Variants in ANK1 observed in about 807,000 individuals in gnomAD.
ANK1 encodes the protein ankyrin 1, also known as ankyrin-1.
In ANK1, 51 loss-of-function variants were observed where a neutral mutation model predicts 210.4. The ratio of observed to expected loss-of-function variants is 0.24; its 90% confidence interval spans 0.19 to 0.31. The LOEUF is 0.31. ANK1 is among the 10% of genes least tolerant of loss of function. The probability of loss-of-function intolerance (pLI) is 1.00; values close to 1 mark genes in which losing one functional copy is unlikely to be tolerated. For synonymous variants in ANK1, 967 were observed against 1,025.9 expected (o/e 0.94, Z 1.10); for missense variants, 2,051 against 2,504.4 (o/e 0.82, Z 3.86).
At chr8:41,836,954 A>G (rs1807864733) in intron 1 of ANK1, among the ~76,000 whole-genome samples, 3 of 151,552 alleles carry the variant, frequency 2.0e-5, no homozygotes. Flanking sequence ...AAGGAGGGTA[A>G]GAGGTTTCCA....
At chr8:41,836,511 G>A (rs1228998254) in intron 1 of ANK1, among the ~76,000 whole-genome samples, 1 of 152,190 alleles carries the variant, frequency 6.6e-6, no homozygotes, top group Non-Finnish European at 1.5e-5. Flanking sequence ...CGGGCTCCCG[G>A]TCCCCCTCCC....
At chr8:41,807,704 A>G (rs1040691147) in intron 1 of ANK1, among the ~76,000 whole-genome samples, 36 of 152,222 alleles carry the variant, frequency 2.4e-4, no homozygotes, top group African/African-American at 8.7e-4. Context: ...AATATTTGAA[A>G]TCTTAGGGCA....
intron 1 of ANK1, among the ~76,000 whole-genome samples, chr8:41,786,790 A>G (rs1846503177): frequency 6.6e-6 from 1 of 152,184 alleles, no homozygotes; most frequent in Admixed American, 6.5e-5. Flanking sequence ...GAGCCTGGAA[A>G]TTCAAGCCTC....
intron 1 of ANK1, among the ~76,000 whole-genome samples, chr8:41,777,798 A>G (rs965601969): frequency 3.3e-5 from 5 of 152,162 alleles, no homozygotes; most frequent in African/African-American, 1.2e-4. Context: ...ACTCCTGAAT[A>G]AAGGGATGTC....
In ANK1 at chr8:41,655,733, G is replaced by T. The variant is rs1370731805; in HGVS notation, c.*57C>A. ...ATGGCAGAGTGTGTGGGGTTCAGGG[G>T]TTGGGTGTCGAGGTGTGATCCTGGG... On this transcript the variant is annotated 3_prime_UTR_variant, in exon 43 of 43. Coordinates refer to ENST00000289734, the MANE Select transcript of ANK1 (RefSeq NM_000037.4). 1.9e-6 allele frequency: 3 copies of T among 1,614,030 alleles called. No homozygotes were observed. Among genetic ancestry groups the T allele is most frequent in the African/African-American group, 2.7e-5 (2 of 74,924 alleles).
chr8:41,844,815 T>C (rs1393617075), intron 1 of ANK1, among the ~76,000 whole-genome samples: 1 of 152,190 alleles, frequency 6.6e-6, no homozygotes, highest in Admixed American at 6.5e-5. Context: ...AGATGTGATG[T>C]CTTGGTCCAA....
chr8:41,800,471 A>C (rs1242092923), upstream of ANK1, among the ~76,000 whole-genome samples: 2 of 152,206 alleles, frequency 1.3e-5, no homozygotes, highest in Non-Finnish European at 2.9e-5. Flanking sequence ...TTCAGTTCAC[A>C]GTTAGACAAT....
At chr8:41,695,122 C>T (rs1401031830) in intron 27 of ANK1, 55 bp downstream of exon 27, 14 of 1,611,384 alleles carry the variant, frequency 8.7e-6, no homozygotes, top group Non-Finnish European at 1.1e-5. Flanking sequence ...TAAGGTGCAA[C>T]TCAAACCCCT....
Position 41,690,356 on chromosome 8 carries a change from AT to A in ANK1, c.3985-11del. ...GACTGCTGTCCCTCACCTAAACTCA[AT>A]CACACAAAGGAGAATTCAGGGGCCC... On this transcript the variant is annotated splice_polypyrimidine_tract_variant and intron_variant, in intron 32 of 42. Transcript: ENST00000289734. 1 of 1,614,204 alleles carries A rather than the reference AT, an allele frequency of 6.2e-7. No homozygotes were observed. Among genetic ancestry groups the A allele is most frequent in the Non-Finnish European group, 8.5e-7 (1 of 1,180,028 alleles).
chr8:41,799,402 A>G (rs1463165328), upstream of ANK1, among the ~76,000 whole-genome samples: 1 of 152,150 alleles, frequency 6.6e-6, no homozygotes. Flanking sequence ...AGTGCTCAGT[A>G]ATGGCTTCTG....
chr8:41,731,808 T>C (rs553065355), intron 3 of ANK1, among the ~76,000 whole-genome samples: 75 of 152,352 alleles, frequency 4.9e-4, no homozygotes, highest in African/African-American at 1.7e-3. Context: ...GTCGAAGCGC[T>C]GAAGCCTCGT....
intron 1 of ANK1, among the ~76,000 whole-genome samples, chr8:41,774,818 A>T (rs1843661850): frequency 1.3e-5 from 2 of 152,232 alleles, no homozygotes; most frequent in South Asian, 4.1e-4. Context: ...TTTAGAATTG[A>T]CACTTCAGAA....
intron 2 of ANK1, among the ~76,000 whole-genome samples, chr8:41,754,724 C>T (rs568101086): frequency 2.0e-5 from 3 of 152,324 alleles, no homozygotes; most frequent in African/African-American, 7.2e-5. Flanking sequence ...AGGATCGTCC[C>T]GCTGGGTGCA....
chr8:41,882,801 C>G (rs1817811200), intron 1 of ANK1, among the ~76,000 whole-genome samples: 2 of 152,256 alleles, frequency 1.3e-5, no homozygotes, highest in African/African-American at 4.8e-5. Flanking sequence ...CCCCCTCTCC[C>G]TCTGGAGTCA....
At chr8:41,789,172 G>A (rs997820525) in intron 1 of ANK1, 2 of 152,196 alleles carry the variant, frequency 1.3e-5, no homozygotes, top group African/African-American at 4.8e-5. Flanking sequence ...AAGAGACTGT[G>A]TGATTTACTG....
intron 2 of ANK1, among the ~76,000 whole-genome samples, chr8:41,748,886 T>G (rs1009298398): frequency 6.6e-6 from 1 of 151,984 alleles, no homozygotes; most frequent in Non-Finnish European, 1.5e-5. Flanking sequence ...ATACAAAAAA[T>G]TAGCCGGGCG....
chr8:41,714,864 A>G, intron 15 of ANK1, 112 bp downstream of exon 15: 1 of 1,142,778 alleles, frequency 8.8e-7, no homozygotes, highest in Middle Eastern at 2.1e-4. Context: ...TGTCTCAAAG[A>G]AAAAAAAGAT....
intron 40 of ANK1, among the ~76,000 whole-genome samples, chr8:41,662,228 G>A (rs1808589326): frequency 6.6e-6 from 1 of 151,778 alleles, no homozygotes. Flanking sequence ...CTGCACTCCA[G>A]CCTGGTTGAC....
At chr8:41,662,085 T>C in intron 40 of ANK1, 144 bp from the exon 41 acceptor site, 1 of 1,092,426 alleles carries the variant, frequency 9.2e-7, no homozygotes, top group East Asian at 2.7e-5. Flanking sequence ...GGTGAAACCC[T>C]GTCTCTACTA....
Sources: allele counts gnomAD v4.1 joint callset (sites outside exome capture counted in the v4.1 genomes callset), GRCh38; gene constraint gnomAD v4.1.1; transcripts MANE v1.5; gene names NCBI Gene and HGNC (gene_info 2026-07-23, HGNC 2026-07-21).